Variants in XIRP2 observed in about 807,000 individuals in gnomAD.
The protein encoded by XIRP2 is xin actin binding repeat containing 2.
A neutral mutation model predicts 277.0 loss-of-function variants in XIRP2; 236 were observed. The observed-to-expected ratio is 0.85, with a 90% CI of 0.77 to 0.95. The LOEUF (loss-of-function observed/expected upper bound fraction) is 0.95. Ranked by LOEUF, XIRP2 falls within the 40% of genes least tolerant of loss-of-function variation. The pLI is 0.00. For synonymous variants in XIRP2, 1,490 were observed against 1,416.5 expected (o/e 1.05, Z -1.17); for missense variants, 4,640 against 4,157.5 (o/e 1.12, Z -3.19).
chr2:166,925,596 CAT>C (rs3060398), intron 2 of XIRP2, among the ~76,000 whole-genome samples: 9,531 of 102,232 alleles, frequency 0.093, 343 homozygotes, highest in East Asian at 0.13. Context: ...TGTGTATATA[CAT>C]ATATATATAT....
intron 2 of XIRP2, among the ~76,000 whole-genome samples, chr2:167,021,635 G>A (rs1574171498): frequency 6.6e-6 from 1 of 151,858 alleles, no homozygotes. Flanking sequence ...GATGATTTGA[G>A]CCCAGGAGTT....
At chr2:166,962,626 A>G (rs1271879005) in intron 2 of XIRP2, among the ~76,000 whole-genome samples, 1 of 151,850 alleles carries the variant, frequency 6.6e-6, no homozygotes, top group East Asian at 1.9e-4. Flanking sequence ...GAAGAGATAA[A>G]GAAATAAATG....
chr2:166,890,625 A>G (rs1182659310), intron 1 of XIRP2, among the ~76,000 whole-genome samples: 1 of 152,196 alleles, frequency 6.6e-6, no homozygotes, highest in Non-Finnish European at 1.5e-5. Context: ...AAATTTCATG[A>G]GAGCAAATTT....
chr2:166,964,129 A>G (rs571939651), intron 2 of XIRP2, among the ~76,000 whole-genome samples: 32 of 151,934 alleles, frequency 2.1e-4, no homozygotes, highest in Admixed American at 1.3e-3. Context: ...TGAACTGGAC[A>G]TTGTAATTTG....
chr2:166,959,619 T>C (rs1686250950), intron 2 of XIRP2, among the ~76,000 whole-genome samples: 1 of 151,866 alleles, frequency 6.6e-6, no homozygotes, highest in African/African-American at 2.4e-5. Context: ...TTTATGATGA[T>C]TACATATTCT....
In XIRP2 at chr2:167,118,379, G is replaced by T. The variant is rs561023300; in HGVS notation, c.409-17530G>T. Among the ~76,000 whole-genome samples, 17 of 152,182 alleles carry T rather than the reference G, an allele frequency of 1.1e-4. No individual in the cohort carries two copies. In the South Asian group the frequency reaches 3.5e-3, roughly 32 times the overall value. On this transcript the variant is annotated intron_variant, in intron 2 of 10. Transcript: ENST00000409195. Reference sequence around the variant, plus strand: ...CGCCTGTAATCCCAGCTGCTCCAGAGGCTGAGGCAGGGGAATTGCTTGAAC... The same window carrying T: ...CGCCTGTAATCCCAGCTGCTCCAGATGCTGAGGCAGGGGAATTGCTTGAAC...
chr2:167,053,179 A>G (rs1386854516), intron 2 of XIRP2, among the ~76,000 whole-genome samples: 1 of 152,184 alleles, frequency 6.6e-6, no homozygotes, highest in Non-Finnish European at 1.5e-5. Context: ...GAAGTTTCCA[A>G]ATGTTTATTA....
chr2:167,059,113 T>C (rs1007635077), intron 2 of XIRP2, among the ~76,000 whole-genome samples: 1 of 137,168 alleles, frequency 7.3e-6, no homozygotes. Flanking sequence ...TTTTTTTTTT[T>C]TTTTTTTTTT....
At chr2:167,180,902 T>A (rs866258255) in intron 3 of XIRP2, among the ~76,000 whole-genome samples, 1 of 152,234 alleles carries the variant, frequency 6.6e-6, no homozygotes, top group South Asian at 2.1e-4. Context: ...CTTTTCCTTC[T>A]GAATTATATC....
chr2:167,212,620 A>T (rs1003977028), intron 4 of XIRP2, among the ~76,000 whole-genome samples: 5 of 152,158 alleles, frequency 3.3e-5, no homozygotes, highest in Non-Finnish European at 7.4e-5. Flanking sequence ...TTACTTATAG[A>T]TTATAAAATT....
rs1274490314 is a variant in XIRP2 at position 167,247,557 on chromosome 2, T to C, written c.6165T>C (p.Val2055=). Residue 2055 remains valine, a synonymous_variant, in exon 9 of 11, where the codon GTT becomes GTC. Transcript: ENST00000409195. ...RLSNSHHKSN[V]LESGDKTGVW... ...CTAATTCACACCATAAATCTAATGT[T>C]TTGGAATCAGGAGACAAAACGGGTG... The C allele has an allele frequency of 1.2e-6, 2 of 1,613,514 alleles. No homozygotes were observed. Among genetic ancestry groups the C allele is most frequent in the African/African-American group, 1.3e-5 (1 of 74,856 alleles).
intron 5 of XIRP2, among the ~76,000 whole-genome samples, chr2:167,231,991 A>G (rs528391133): frequency 4.6e-5 from 7 of 152,010 alleles, no homozygotes; most frequent in Non-Finnish European, 8.8e-5. Context: ...CTTATTCTCC[A>G]GTTTCCTGGA....
At chr2:166,939,679 C>CAA (rs138977006) in intron 2 of XIRP2, among the ~76,000 whole-genome samples, 1,030 of 90,442 alleles carry the variant, frequency 0.011, 25 homozygotes, top group African/African-American at 0.021. Flanking sequence ...GACTCCATCA[C>CAA]AAAAAAAAAA....
intron 2 of XIRP2, among the ~76,000 whole-genome samples, chr2:167,083,231 T>C (rs1046924441): frequency 1.6e-4 from 24 of 152,062 alleles, no homozygotes; most frequent in African/African-American, 5.6e-4. Context: ...TTTTCTCAGG[T>C]TTGTCAAAGA....
Position 167,061,817 on chromosome 2 carries a change from TC to T in XIRP2, c.409-74089del, listed in dbSNP as rs575021191. 4.6e-5 allele frequency among the ~76,000 whole-genome samples: 7 copies of T among 152,190 alleles called. No individual in the cohort carries two copies. The South Asian group carries it at 1.5e-3, about 32-fold the overall frequency. On this transcript the variant is annotated intron_variant, in intron 2 of 10. Transcript: ENST00000409195. ...AGCTAGGAAAAGGCAAGGAAGAGTT[TC>T]CCTTCGAGCTTACAGAGAAAGTATG...
chr2:166,948,678 A>G (rs1685947813), intron 2 of XIRP2, among the ~76,000 whole-genome samples: 1 of 152,040 alleles, frequency 6.6e-6, no homozygotes, highest in Non-Finnish European at 1.5e-5. Context: ...TTACTACTAC[A>G]TCATGATGCC....
intron 1 of XIRP2, among the ~76,000 whole-genome samples, chr2:166,892,768 G>T (rs1432657173): frequency 1.3e-5 from 2 of 150,254 alleles, no homozygotes; most frequent in African/African-American, 4.9e-5. Flanking sequence ...AATGAAAAAT[G>T]ACATCACTTG....
chr2:166,951,854 A>G (rs1686042179), intron 2 of XIRP2, among the ~76,000 whole-genome samples: 1 of 152,034 alleles, frequency 6.6e-6, no homozygotes, highest in Non-Finnish European at 1.5e-5. Context: ...TGGAGAGCAC[A>G]GACTTGAGAT....
chr2:167,037,850 A>G (rs904868397), intron 2 of XIRP2, among the ~76,000 whole-genome samples: 1 of 152,068 alleles, frequency 6.6e-6, no homozygotes, highest in Non-Finnish European at 1.5e-5. Flanking sequence ...ACCTGCAATT[A>G]TACTAAAATA....
Sources: gnomAD v4.1 joint callset for allele counts (sites outside exome capture counted in the v4.1 genomes callset) on GRCh38, gnomAD v4.1.1 for gene constraint, MANE v1.5 for transcripts, NCBI Gene and HGNC (gene_info 2026-07-23, HGNC 2026-07-21) for gene names.